The following LINGO2 variants were observed in gnomAD, a reference collection of about 807,000 sequenced individuals.
LINGO2 encodes the protein leucine-rich repeat and immunoglobulin-like domain-containing nogo receptor-interacting protein 2.
LINGO2 carries 14 observed loss-of-function variants against 30.6 expected under a neutral mutation model. The observed-to-expected ratio is 0.46, with a 90% CI of 0.30 to 0.72. The LOEUF (loss-of-function observed/expected upper bound fraction) is 0.72, where lower values mean the gene tolerates loss of function less well. Among genes scored for constraint, LINGO2 ranks in the 30% least tolerant of loss-of-function variants. LINGO2 has a pLI of 0.07. For synonymous variants in LINGO2, 317 were observed against 288.5 expected, an observed-to-expected ratio of 1.10 and a Z score of -1.00; for missense variants, 729 against 751.7, an observed-to-expected ratio of 0.97 and a Z score of 0.35.
At chr9:28,588,228 G>C (rs1487593558) in intron 1 of LINGO2, among the ~76,000 whole-genome samples, 1 of 151,716 alleles carries the variant, frequency 6.6e-6, no homozygotes, top group Non-Finnish European at 1.5e-5. Context: ...TCCCACCTAT[G>C]TGGAAGAGTT....
the LINGO2 span, among the ~76,000 whole-genome samples, chr9:29,104,389 C>T: frequency 6.6e-6 from 1 of 152,152 alleles, no homozygotes; most frequent in Non-Finnish European, 1.5e-5. Context: ...CATGGTAAGA[C>T]AGAGCAGGAG....
At chr9:28,111,109 C>A (rs759183521) in intron 4 of LINGO2, among the ~76,000 whole-genome samples, 17 of 152,156 alleles carry the variant, frequency 1.1e-4, no homozygotes, top group Admixed American at 9.2e-4. Context: ...AGCTGGAAGC[C>A]ATCATTCTCA....
chr9:29,138,433 C>T, the LINGO2 span, among the ~76,000 whole-genome samples: 2 of 152,090 alleles, frequency 1.3e-5, no homozygotes, highest in African/African-American at 4.8e-5. Flanking sequence ...TTCACACACT[C>T]ATCCCATGTT....
intron 4 of LINGO2, among the ~76,000 whole-genome samples, chr9:28,062,974 A>T (rs1825203176): frequency 6.6e-6 from 1 of 151,728 alleles, no homozygotes; most frequent in African/African-American, 2.4e-5. Flanking sequence ...TCATTTACTT[A>T]ATATATTTTT....
intron 4 of LINGO2, among the ~76,000 whole-genome samples, chr9:28,028,320 G>C (rs1471742979): frequency 6.6e-6 from 1 of 152,004 alleles, no homozygotes; most frequent in Non-Finnish European, 1.5e-5. Flanking sequence ...TTATTTCATC[G>C]ATTCTCATCT....
At chr9:28,521,660 G>A (rs1160432739) in intron 1 of LINGO2, among the ~76,000 whole-genome samples, 1 of 152,272 alleles carries the variant, frequency 6.6e-6, no homozygotes, top group Admixed American at 6.5e-5. Flanking sequence ...GGTGTATGCA[G>A]GTGCACTGGA....
the LINGO2 span, among the ~76,000 whole-genome samples, chr9:29,092,962 C>A: frequency 1.6e-5 from 2 of 124,558 alleles, no homozygotes; most frequent in Admixed American, 8.6e-5. Context: ...ATAAGATATG[C>A]CATAATTTTT....
At chr9:27,960,721 A>C (rs1367091605) in intron 5 of LINGO2, among the ~76,000 whole-genome samples, 8 of 150,860 alleles carry the variant, frequency 5.3e-5, no homozygotes, top group Non-Finnish European at 7.4e-5. Context: ...CTAGTCTCAT[A>C]ATCTCTGCCT....
chr9:29,018,123 C>T, the LINGO2 span, among the ~76,000 whole-genome samples: 1 of 145,816 alleles, frequency 6.9e-6, no homozygotes, highest in African/African-American at 2.5e-5. Context: ...AGTATGAAAT[C>T]ATGTTCTTTG....
At chr9:28,006,361 A>G (rs2119197309) in intron 5 of LINGO2, among the ~76,000 whole-genome samples, 1 of 152,106 alleles carries the variant, frequency 6.6e-6, no homozygotes, top group East Asian at 1.9e-4. Flanking sequence ...AGATCAAAAT[A>G]GTGGGGCTAT....
chr9:28,397,472 C>A (rs1282669236), intron 2 of LINGO2, among the ~76,000 whole-genome samples: 1 of 148,936 alleles, frequency 6.7e-6, no homozygotes, highest in South Asian at 2.1e-4. Context: ...GAATATTTAA[C>A]AGCCACATTT....
intron 1 of LINGO2, among the ~76,000 whole-genome samples, chr9:28,642,827 A>T (rs981380598): frequency 1.3e-5 from 2 of 152,014 alleles, no homozygotes; most frequent in Non-Finnish European, 2.9e-5. Context: ...AGAATATAAA[A>T]CCATTTTAAA....
chr9:28,671,137 T>A (rs1486246957), upstream of LINGO2, among the ~76,000 whole-genome samples: 1 of 152,070 alleles, frequency 6.6e-6, no homozygotes, highest in African/African-American at 2.4e-5. Flanking sequence ...CTTTTCTACA[T>A]GCCCATTACT....
At chr9:28,751,016 G>A in the LINGO2 span, among the ~76,000 whole-genome samples, 2 of 151,974 alleles carry the variant, frequency 1.3e-5, no homozygotes, top group Non-Finnish European at 2.9e-5. Flanking sequence ...TGTAATTCCA[G>A]AAATTTGGGA....
chr9:28,148,586 T>C lies in LINGO2; in HGVS notation c.-86-136181A>G. The C allele has an allele frequency of 6.6e-7, 1 of 1,507,754 alleles. No individual in the cohort carries two copies. The highest frequency in any genetic ancestry group is 8.9e-7 in the Non-Finnish European group (1 of 1,122,418). 93.4% of individuals were successfully genotyped at this position (1,507,754 alleles called of 1,614,324 possible). On this transcript the variant is annotated intron_variant, in intron 4 of 5. Transcript: ENST00000379992. This position sits in a 1 kb window ranked among gnomAD's most constrained non-coding sequence, Gnocchi z 5.1. ...GACTCAGGGAAACTTCACTTCCTCC[T>C]GGTACAATCCCAGGCCCTTGGAGGG...
chr9:28,019,124 G>A (rs1029499628), intron 4 of LINGO2, among the ~76,000 whole-genome samples: 2 of 152,098 alleles, frequency 1.3e-5, no homozygotes, highest in Admixed American at 1.3e-4. Context: ...AGGCCTACTT[G>A]ACAGATGAAG....
the LINGO2 span, among the ~76,000 whole-genome samples, chr9:28,687,091 A>G: frequency 6.6e-6 from 1 of 152,106 alleles, no homozygotes; most frequent in Admixed American, 6.6e-5. Context: ...TTTGATTAAA[A>G]TAAACATTAT....
chr9:28,188,967 A>G (rs1369452796), intron 4 of LINGO2, among the ~76,000 whole-genome samples: 1 of 152,102 alleles, frequency 6.6e-6, no homozygotes, highest in Non-Finnish European at 1.5e-5. Flanking sequence ...GATTGGAGAG[A>G]GAGGTGGGAA....
At chr9:28,696,733 G>A in the LINGO2 span, among the ~76,000 whole-genome samples, 7 of 151,868 alleles carry the variant, frequency 4.6e-5, no homozygotes, top group Non-Finnish European at 1.0e-4. Flanking sequence ...TGTATACAAG[G>A]AGGATTCAAA....
Sources: allele counts gnomAD v4.1 joint callset (sites outside exome capture counted in the v4.1 genomes callset), GRCh38; gene constraint gnomAD v4.1.1; non-coding constraint Gnocchi (gnomAD v3.1); transcripts MANE v1.5; gene names NCBI Gene and HGNC (gene_info 2026-07-23, HGNC 2026-07-21).